FBXO25: variants seen among roughly 807,000 people sequenced by gnomAD.
FBXO25 encodes the protein F-box protein 25.
Under a neutral mutation model 51.9 loss-of-function variants are expected in FBXO25, and 45 were observed. The observed-to-expected ratio is 0.87, with a 90% CI of 0.68 to 1.11. FBXO25 has a LOEUF of 1.11. Ranked by LOEUF, FBXO25 falls within the 50% of genes most tolerant of loss-of-function variation. The pLI is 0.00. For missense variants in FBXO25, 507 were observed against 428.5 expected, an observed-to-expected ratio of 1.18 and a Z score of -1.62; for synonymous variants, 199 against 151.0, an observed-to-expected ratio of 1.32 and a Z score of -2.33.
chr8:463,258 A>T (rs1020700202), intron 9 of FBXO25, 108 bp downstream of exon 9: 1 of 1,233,894 alleles, frequency 8.1e-7, no homozygotes. Context: ...ACTGTTTGTT[A>T]TAAGTAAGTT....
At position 407,727 on chromosome 8, in the gene FBXO25, C is replaced by T. The variant is rs2117369398; in HGVS notation, c.-8+661C>T. On this transcript the variant is annotated intron_variant, in intron 1 of 9. Transcript: ENST00000350302. ...ATTCCTCCAGGCCACTCTGCCCCGT[C>T]TGCTGCTTACCTTTTTTTCCCTACT... 1.3e-5 allele frequency among the ~76,000 whole-genome samples: 2 copies of T among 152,094 alleles called. 1 individual carries two copies. The highest frequency in any genetic ancestry group is 3.9e-4 in the East Asian group (2 of 5,184).
intron 9 of FBXO25, among the ~76,000 whole-genome samples, chr8:464,881 G>C (rs1031318308): frequency 6.6e-6 from 1 of 152,174 alleles, no homozygotes; most frequent in Non-Finnish European, 1.5e-5. Context: ...TGCAAGTTGT[G>C]TTATGTGTTT....
intron 2 of FBXO25, among the ~76,000 whole-genome samples, chr8:429,371 T>G (rs1433624615): frequency 6.6e-6 from 1 of 152,194 alleles, no homozygotes; most frequent in Non-Finnish European, 1.5e-5. Context: ...TGAAGTTGTT[T>G]GACATTTTTT....
rs1268778947 is a variant in FBXO25, at chr8:415,753, C to T, written c.134+2540C>T. Among the ~76,000 whole-genome samples, 4 of 152,128 alleles carry T rather than the reference C, an allele frequency of 2.6e-5. No individual in the cohort carries two copies. The South Asian group carries it at 6.2e-4, about 24-fold the overall frequency. On this transcript the variant is annotated intron_variant, in intron 2 of 9. Transcript: ENST00000350302. ...TAATCTGGCTGGGTCTTCTCTCCAG[C>T]GTAGTGTTTCTGCCACTCAGTTTTA... is the stretch of plus-strand genomic sequence containing the variant.
Position 469,328 on chromosome 8 carries a change from C to T in FBXO25, c.*524C>T, listed in dbSNP as rs1327714433. The T allele has an allele frequency of 6.5e-6, 1 of 152,720 alleles. No individual in the cohort carries two copies. Among genetic ancestry groups the T allele is most frequent in the East Asian group, 1.9e-4 (1 of 5,198 alleles). The allele number at this position is 152,720 out of a possible 1,614,324, so 9.5% of individuals were successfully genotyped here. On this transcript the variant is annotated 3_prime_UTR_variant, in exon 10 of 10. Coordinates refer to ENST00000350302, the MANE Select transcript of FBXO25 (RefSeq NM_183420.2). ...ATAGAAAGTGAACCCAGGGCAATGA[C>T]AGCCATTCTTGTCTTAGGGATTATG... is the stretch of plus-strand genomic sequence containing the variant.
chr8:462,540 C>A (rs147501494), intron 8 of FBXO25, among the ~76,000 whole-genome samples: 10 of 152,032 alleles, frequency 6.6e-5, no homozygotes, highest in African/African-American at 2.4e-4. Flanking sequence ...TTGATTTAAC[C>A]CAAGTGAGTT....
In FBXO25 at chr8:458,533, C is replaced by T. The variant is rs765236255; in HGVS notation, c.825C>T (p.Tyr275=). The T allele has an allele frequency of 1.9e-5, 30 of 1,613,918 alleles. 1 individual carries two copies. The highest frequency in any genetic ancestry group is 2.2e-5 in the South Asian group (2 of 91,064). The change falls in exon 8 of 10, where the codon TAC becomes TAT. Residue 275 remains tyrosine, a synonymous_variant. Coordinates refer to ENST00000350302, the MANE Select transcript of FBXO25 (RefSeq NM_183420.2). ...AGCTGTGGAAGAAGCTTTGTCAGTA[C>T]CATTTTGCTGAAAAGCAGGTGAGTG... ...DRQLWKKLCQ[Y]HFAEKQFCRH...
chr8:428,851 T>C (rs1377557000), intron 2 of FBXO25, among the ~76,000 whole-genome samples: 1 of 152,220 alleles, frequency 6.6e-6, no homozygotes, highest in African/African-American at 2.4e-5. Flanking sequence ...TTCAGCCCTG[T>C]TGTAGCATGT....
At position 450,074 on chromosome 8, in the gene FBXO25, G is replaced by C; in HGVS notation, c.466G>C (p.Val156Leu). ...TTACTTCAACATTTTGGATAAAATC[G>C]TTCAAAAGGGTAAGATGATCACTGT... is the stretch of plus-strand genomic sequence containing the variant. Reference protein sequence around the residue: ...KNYFNILDKIVQKVLDDHHNP... With the variant: ...KNYFNILDKILQKVLDDHHNP... Residue 156 changes from valine (V) to leucine (L), a missense_variant, in exon 6 of 10, where the codon GTT (valine) becomes CTT (leucine). Physicochemically the swap from Val to Leu is conservative, Grantham distance 32. Coordinates refer to ENST00000350302, the MANE Select transcript of FBXO25 (RefSeq NM_183420.2). 1 of 1,608,640 alleles carries C rather than the reference G, an allele frequency of 6.2e-7. No homozygotes were observed. The highest frequency in any genetic ancestry group is 1.1e-5 in the South Asian group (1 of 90,482).
chr8:408,681 T>G (rs1796313663), intron 1 of FBXO25, among the ~76,000 whole-genome samples: 1 of 152,246 alleles, frequency 6.6e-6, no homozygotes, highest in South Asian at 2.1e-4. Context: ...CATTTTTTTT[T>G]GTTCTGAGTC....
chr8:415,348 A>G (rs1796732229), intron 2 of FBXO25, among the ~76,000 whole-genome samples: 1 of 152,242 alleles, frequency 6.6e-6, no homozygotes, highest in Admixed American at 6.5e-5. Context: ...AAGCAATTCA[A>G]CATGGTTGAT....
intron 5 of FBXO25, among the ~76,000 whole-genome samples, chr8:448,553 CAG>C (rs1194647532): frequency 6.6e-6 from 1 of 152,198 alleles, no homozygotes; most frequent in African/African-American, 2.4e-5. Flanking sequence ...TGTGAGAACT[CAG>C]GGAATACTTA....
At position 461,340 on chromosome 8, in the gene FBXO25, A is replaced by G. The variant is rs1164930383; in HGVS notation, c.844-1667A>G. Among the ~76,000 whole-genome samples the G allele has an allele frequency of 2.0e-5, 3 of 152,216 alleles. No individual in the cohort carries two copies. In the East Asian group the frequency reaches 5.8e-4, roughly 29 times the overall value. On this transcript the variant is annotated intron_variant, in intron 8 of 9. Coordinates refer to ENST00000350302, the MANE Select transcript of FBXO25 (RefSeq NM_183420.2). ...TAATTTTTAAAGAAAAAGAGATTTA[A>G]TGGACTCACAGTTTGATGTGGCTGG...
chr8:476,973 C>T lies in FBXO25; in HGVS notation c.*8169C>T, dbSNP rs1236863470. ...CCTCCTACCACTGCTTTGACTGTAC[C>T]TGTTTTTTTGTATATTACATTTTTC... On this transcript the variant is annotated 3_prime_UTR_variant, in exon 10 of 10. Transcript: ENST00000350302. The T allele has an allele frequency of 7.1e-6, 1 of 140,736 alleles. No individual in the cohort carries two copies. The highest frequency in any genetic ancestry group is 1.5e-5 in the Non-Finnish European group (1 of 66,532). The allele number at this position is 140,736 out of a possible 1,614,324, so 8.7% of individuals were successfully genotyped here. A position where few individuals can be genotyped will look rare whatever the true frequency, so the allele number is the denominator to read the frequency against.
At chr8:427,344 TTTGGTG>T (rs2117573624) in intron 2 of FBXO25, among the ~76,000 whole-genome samples, 1 of 150,596 alleles carries the variant, frequency 6.6e-6, no homozygotes, top group Non-Finnish European at 1.5e-5. Flanking sequence ...TCCACTTTGT[TTTGGTG>T]TTGGTGAAAT....
rs1320287071 is a variant in FBXO25, at chr8:472,410, G to T, written c.*3606G>T. 6.6e-6 allele frequency: 1 copy of T among 152,204 alleles called. No homozygotes were observed. Among genetic ancestry groups the T allele is most frequent in the Non-Finnish European group, 1.5e-5 (1 of 68,042 alleles). The allele number at this position is 152,204 out of a possible 1,614,324, so 9.4% of individuals were successfully genotyped here. A position where few individuals can be genotyped will look rare whatever the true frequency, so the allele number is the denominator to read the frequency against. ...GCATTCTTGGGTCAAAGCCCACTAAGTCATGGTTTATGATACCTTTTATAC... is the reference window on the plus strand; with the variant it reads ...GCATTCTTGGGTCAAAGCCCACTAATTCATGGTTTATGATACCTTTTATAC... On this transcript the variant is annotated 3_prime_UTR_variant, in exon 10 of 10. Coordinates refer to ENST00000350302, the MANE Select transcript of FBXO25 (RefSeq NM_183420.2).
At chr8:442,706 G>A (rs1437759173) in intron 5 of FBXO25, among the ~76,000 whole-genome samples, 3 of 152,146 alleles carry the variant, frequency 2.0e-5, no homozygotes, top group Admixed American at 6.5e-5. Context: ...CTGACCTCAG[G>A]TGATCTGGCT....
chr8:454,408 G>A (rs990043898), intron 7 of FBXO25, among the ~76,000 whole-genome samples: 2 of 152,214 alleles, frequency 1.3e-5, no homozygotes, highest in African/African-American at 4.8e-5. Flanking sequence ...ATGCCCCCAT[G>A]TGCTCGCTGG....
At chr8:437,570 T>C (rs1482358111) in intron 5 of FBXO25, among the ~76,000 whole-genome samples, 1 of 152,244 alleles carries the variant, frequency 6.6e-6, no homozygotes, top group African/African-American at 2.4e-5. Context: ...GATTTGCTCA[T>C]GCTTACCTTC....
Sources: gnomAD v4.1 joint callset for allele counts (sites outside exome capture counted in the v4.1 genomes callset) on GRCh38, gnomAD v4.1.1 for gene constraint, MANE v1.5 for transcripts, NCBI Gene and HGNC (gene_info 2026-07-23, HGNC 2026-07-21) for gene names.